SETBP1: variants seen among roughly 807,000 people sequenced by gnomAD.
The protein encoded by SETBP1 is SET binding protein 1.
In SETBP1, 9 loss-of-function variants were observed where a neutral mutation model predicts 101.0. That is an observed-to-expected ratio of 0.09 (90% CI 0.05 to 0.16). The LOEUF (loss-of-function observed/expected upper bound fraction) is 0.16, where lower values mean the gene tolerates loss of function less well. Ranked by LOEUF, SETBP1 falls within the 10% of genes least tolerant of loss-of-function variation. The probability of loss-of-function intolerance (pLI) is 1.00; values close to 1 mark genes in which losing one functional copy is unlikely to be tolerated. For missense variants in SETBP1, 1,858 were observed against 2,033.8 expected (o/e 0.91, Z 1.66); for synonymous variants, 818 against 788.5 (o/e 1.04, Z -0.63).
chr18:44,984,249 G>T (rs567918928), intron 4 of SETBP1, among the ~76,000 whole-genome samples: 26 of 152,238 alleles, frequency 1.7e-4, no homozygotes, highest in African/African-American at 6.0e-4. Flanking sequence ...TTAGTGCTAG[G>T]GACTGGTTTT....
At chr18:45,054,959 A>G (rs2073784221) in intron 5 of SETBP1, among the ~76,000 whole-genome samples, 1 of 152,078 alleles carries the variant, frequency 6.6e-6, no homozygotes, top group African/African-American at 2.4e-5. Context: ...CTGCCATGGA[A>G]TTGCATGCAA....
At chr18:44,732,520 C>A (rs998870957) in intron 2 of SETBP1, 9 of 152,188 alleles carry the variant, frequency 5.9e-5, no homozygotes, top group African/African-American at 2.2e-4. Context: ...ACAGGAGCAG[C>A]CATATTGTAT....
intron 2 of SETBP1, among the ~76,000 whole-genome samples, chr18:44,791,804 A>C (rs916243502): frequency 6.6e-6 from 1 of 152,222 alleles, no homozygotes; most frequent in Non-Finnish European, 1.5e-5. Flanking sequence ...GAATTTCTAA[A>C]TAGAATTTTG....
At chr18:44,989,475 A>G (rs1295906105) in intron 4 of SETBP1, among the ~76,000 whole-genome samples, 1 of 152,098 alleles carries the variant, frequency 6.6e-6, no homozygotes, top group Admixed American at 6.6e-5. Context: ...TTTTTCATAC[A>G]TTTTATTGAC....
intron 2 of SETBP1, among the ~76,000 whole-genome samples, chr18:44,708,564 C>CG: frequency 6.6e-6 from 1 of 152,270 alleles, no homozygotes; most frequent in South Asian, 2.1e-4. Flanking sequence ...AGGTGGGGAA[C>CG]GACCTTTTCT....
At chr18:44,892,573 CT>C (rs1162376298) in intron 3 of SETBP1, among the ~76,000 whole-genome samples, 1 of 152,118 alleles carries the variant, frequency 6.6e-6, no homozygotes, top group African/African-American at 2.4e-5. Flanking sequence ...CATCTTGTCT[CT>C]GCTTGAAAGT....
intron 2 of SETBP1, among the ~76,000 whole-genome samples, chr18:44,706,386 G>A (rs905559099): frequency 1.3e-5 from 2 of 151,768 alleles, no homozygotes; most frequent in South Asian, 4.2e-4. Flanking sequence ...AGGAGTTCGA[G>A]ATCAGCCTGC....
At chr18:44,876,611 A>G in intron 3 of SETBP1, 2 of 1,551,446 alleles carry the variant, frequency 1.3e-6, no homozygotes, top group Non-Finnish European at 1.7e-6. Flanking sequence ...AGAGGAGGCC[A>G]AGGCATCCCA....
chr18:44,726,954 A>G (rs941483713), intron 2 of SETBP1, among the ~76,000 whole-genome samples: 1 of 152,336 alleles, frequency 6.6e-6, no homozygotes, highest in Middle Eastern at 3.4e-3. Flanking sequence ...TGGAGTGGTT[A>G]TCAGAGGATC....
chr18:44,815,557 G>A (rs548294884), intron 2 of SETBP1, among the ~76,000 whole-genome samples: 29 of 152,290 alleles, frequency 1.9e-4, no homozygotes, highest in African/African-American at 7.0e-4. Flanking sequence ...AGCTTTTCTG[G>A]ACATGTTTTT....
Position 44,950,795 on chromosome 18 carries a change from T to C in SETBP1, c.1455T>C (p.Asn485=). The change falls in exon 4 of 6, where the codon AAT becomes AAC. Residue 485 remains asparagine, a synonymous_variant. Coordinates refer to ENST00000649279, the MANE Select transcript of SETBP1 (RefSeq NM_015559.3). ...SPSVGLETGG[N]AEKVIPGGVS... ...CAGTTGGCCTTGAAACTGGTGGAAA[T>C]GCTGAGAAAGTTATCCCAGGAGGTG... The C allele has an allele frequency of 2.5e-6, 4 of 1,614,068 alleles. No homozygotes were observed. The African/African-American group carries it at 5.3e-5, about 22-fold the overall frequency.
At chr18:44,925,581 T>C (rs1430961654) in intron 3 of SETBP1, among the ~76,000 whole-genome samples, 1 of 152,242 alleles carries the variant, frequency 6.6e-6, no homozygotes, top group East Asian at 1.9e-4. Context: ...TAGTGAGTTT[T>C]CAGGAGTCCT....
chr18:44,898,626 T>A (rs1314375917), intron 3 of SETBP1, among the ~76,000 whole-genome samples: 1 of 152,148 alleles, frequency 6.6e-6, no homozygotes, highest in Non-Finnish European at 1.5e-5. Flanking sequence ...CTTCTCCCAG[T>A]CTTCATGAAA....
At chr18:44,872,267 A>G (rs539507427) in intron 3 of SETBP1, 7 of 152,286 alleles carry the variant, frequency 4.6e-5, no homozygotes, top group African/African-American at 1.7e-4. Flanking sequence ...TGTCCATTGT[A>G]GAAATTTGGA....
intron 3 of SETBP1, among the ~76,000 whole-genome samples, chr18:44,934,312 C>A (rs1274198051): frequency 6.6e-6 from 1 of 152,112 alleles, no homozygotes; most frequent in African/African-American, 2.4e-5. Flanking sequence ...GCATGCCCAG[C>A]TAATTTTTGT....
intron 2 of SETBP1, among the ~76,000 whole-genome samples, chr18:44,703,732 C>T (rs1305998795): frequency 3.3e-5 from 5 of 152,134 alleles, no homozygotes; most frequent in African/African-American, 1.2e-4. Context: ...TCTCTCCTCC[C>T]CCATTACAAC....
At chr18:44,799,759 T>G (rs2071562875) in intron 2 of SETBP1, among the ~76,000 whole-genome samples, 2 of 152,086 alleles carry the variant, frequency 1.3e-5, no homozygotes, top group South Asian at 4.1e-4. Context: ...TAGCCTGGGG[T>G]GACCCAGCAT....
rs373493544 is a variant in SETBP1 at position 44,952,275 on chromosome 18, G to C, written c.2935G>C (p.Glu979Gln). The change falls in exon 4 of 6, where the codon GAG (glutamate) becomes CAG (glutamine). Residue 979 changes from glutamate (E) to glutamine (Q), a missense_variant. Glu to Gln is a conservative substitution (Grantham distance 29). Coordinates refer to ENST00000649279, the MANE Select transcript of SETBP1 (RefSeq NM_015559.3). ...CCACCGGAGTTACACCTTCTACCAC[G>C]AGAATCCATATCCCAGCATTTTTCG... ...ISHRSYTFYHENPYPSIFRIN... is the reference protein window; with the variant it reads ...ISHRSYTFYHQNPYPSIFRIN... The C allele has an allele frequency of 1.2e-5, 20 of 1,613,938 alleles. No homozygotes were observed. The highest frequency in any genetic ancestry group is 1.7e-5 in the Non-Finnish European group (20 of 1,180,026).
intron 3 of SETBP1, among the ~76,000 whole-genome samples, chr18:44,920,641 G>A (rs1282864381): frequency 6.6e-6 from 1 of 152,130 alleles, no homozygotes; most frequent in Non-Finnish European, 1.5e-5. Flanking sequence ...ATCGTCATAA[G>A]GGTGGCTGTC....
Sources: allele counts gnomAD v4.1 joint callset (sites outside exome capture counted in the v4.1 genomes callset), GRCh38; gene constraint gnomAD v4.1.1; transcripts MANE v1.5; gene names NCBI Gene and HGNC (gene_info 2026-07-23, HGNC 2026-07-21).